The following FIGN variants were observed in gnomAD, a reference collection of about 807,000 sequenced individuals.
The protein encoded by FIGN is fidgetin, microtubule severing factor.
In FIGN, 11 loss-of-function variants were observed where a neutral mutation model predicts 51.3. The observed-to-expected ratio is 0.21, with a 90% CI of 0.13 to 0.35. The LOEUF (loss-of-function observed/expected upper bound fraction) is 0.35. FIGN is among the 10% of genes least tolerant of loss of function. The probability of loss-of-function intolerance (pLI) is 1.00; values close to 1 mark genes in which losing one functional copy is unlikely to be tolerated. For synonymous variants in FIGN, 407 were observed against 363.2 expected (o/e 1.12, Z -1.37); for missense variants, 857 against 943.6 (o/e 0.91, Z 1.20).
At chr2:163,657,707 T>C (rs985337328) in intron 2 of FIGN, among the ~76,000 whole-genome samples, 1 of 152,180 alleles carries the variant, frequency 6.6e-6, no homozygotes, top group African/African-American at 2.4e-5. Context: ...GATTCCTCAT[T>C]ACACATTTTA....
At chr2:163,696,646 T>C (rs1311749859) in intron 2 of FIGN, among the ~76,000 whole-genome samples, 7 of 151,932 alleles carry the variant, frequency 4.6e-5, no homozygotes, top group African/African-American at 1.7e-4. Flanking sequence ...TTTGTTTTAT[T>C]GTTTTTGTGT....
intron 2 of FIGN, among the ~76,000 whole-genome samples, chr2:163,705,140 C>T (rs535779340): frequency 4.1e-4 from 63 of 152,194 alleles, no homozygotes; most frequent in African/African-American, 1.3e-3. Context: ...ATAGTACATA[C>T]GTGTAAAGAA....
intron 2 of FIGN, among the ~76,000 whole-genome samples, chr2:163,631,533 C>T (rs1683145887): frequency 6.6e-6 from 1 of 152,122 alleles, no homozygotes; most frequent in Non-Finnish European, 1.5e-5. Context: ...CACTTCTCTC[C>T]TCTTTATCCC....
At chr2:163,645,023 T>C (rs1403153581) in intron 2 of FIGN, among the ~76,000 whole-genome samples, 1 of 152,300 alleles carries the variant, frequency 6.6e-6, no homozygotes, top group African/African-American at 2.4e-5. Context: ...TGGCTGCATA[T>C]ACCTGTGGCT....
intron 2 of FIGN, among the ~76,000 whole-genome samples, chr2:163,714,053 G>A (rs1016445341): frequency 1.6e-4 from 25 of 152,096 alleles, no homozygotes; most frequent in African/African-American, 5.8e-4. Flanking sequence ...GTCCACAGAC[G>A]GCTGCTCTCC....
intron 2 of FIGN, among the ~76,000 whole-genome samples, chr2:163,647,634 G>T (rs1683402600): frequency 6.6e-6 from 1 of 152,098 alleles, no homozygotes; most frequent in Non-Finnish European, 1.5e-5. Flanking sequence ...CCAGTTCTGT[G>T]TTTTTCTTCC....
intron 2 of FIGN, among the ~76,000 whole-genome samples, chr2:163,710,800 A>G (rs1239524800): frequency 1.3e-5 from 2 of 152,152 alleles, no homozygotes; most frequent in African/African-American, 4.8e-5. Flanking sequence ...TATCTAGTAG[A>G]GTTCCTACCC....
chr2:163,732,356 A>T (rs993993325), intron 2 of FIGN, among the ~76,000 whole-genome samples: 1 of 152,186 alleles, frequency 6.6e-6, no homozygotes, highest in African/African-American at 2.4e-5. Context: ...AATAAAAGCT[A>T]ATTTGTCACA....
At chr2:163,710,953 C>A (rs1573965827) in intron 2 of FIGN, among the ~76,000 whole-genome samples, 1 of 152,180 alleles carries the variant, frequency 6.6e-6, no homozygotes, top group Non-Finnish European at 1.5e-5. Context: ...CATTTAAAAT[C>A]TTTTCAATTA....
intron 2 of FIGN, among the ~76,000 whole-genome samples, chr2:163,706,038 C>T (rs1336398217): frequency 6.6e-6 from 1 of 152,122 alleles, no homozygotes; most frequent in Admixed American, 6.6e-5. Flanking sequence ...CTCAGACAGC[C>T]TGAAGCATCC....
intron 2 of FIGN, among the ~76,000 whole-genome samples, chr2:163,651,547 A>G (rs1683477993): frequency 6.6e-6 from 1 of 152,234 alleles, no homozygotes; most frequent in Non-Finnish European, 1.5e-5. Context: ...AGGAGGAGTT[A>G]CAGAGCTGTG....
chr2:163,666,546 C>A (rs1251344366), intron 2 of FIGN, among the ~76,000 whole-genome samples: 1 of 152,110 alleles, frequency 6.6e-6, no homozygotes, highest in Non-Finnish European at 1.5e-5. Context: ...TTTCAACAAA[C>A]CAAACTCTCT....
chr2:163,713,212 G>C (rs2105357843), intron 2 of FIGN, among the ~76,000 whole-genome samples: 1 of 152,186 alleles, frequency 6.6e-6, no homozygotes, highest in African/African-American at 2.4e-5. Context: ...CTCTCCCACA[G>C]GATCTGAATT....
At position 163,671,848 on chromosome 2, in the gene FIGN, T is replaced by C. The variant is rs938866293; in HGVS notation, c.26-60042A>G. Among the ~76,000 whole-genome samples, 11 of 152,296 alleles carry C rather than the reference T, an allele frequency of 7.2e-5. No homozygotes were observed. In the East Asian group the frequency reaches 2.1e-3, roughly 29 times the overall value. ...ATTAACATGACAAGGATATGAAACA[T>C]GCATGTAATAATTCTGAAGTTTTCA... is the stretch of plus-strand genomic sequence containing the variant. On this transcript the variant is annotated intron_variant, in intron 2 of 2. Transcript: ENST00000333129.
chr2:163,651,546 T>TA (rs1683478034), intron 2 of FIGN, among the ~76,000 whole-genome samples: 1 of 152,214 alleles, frequency 6.6e-6, no homozygotes. Flanking sequence ...GAGGAGGAGT[T>TA]ACAGAGCTGT....
intron 2 of FIGN, among the ~76,000 whole-genome samples, chr2:163,627,751 C>A (rs1213509966): frequency 6.6e-6 from 1 of 152,094 alleles, no homozygotes; most frequent in Non-Finnish European, 1.5e-5. Context: ...CACCCTTCCA[C>A]ATATTTCCAT....
chr2:163,627,771 A>C (rs1418113411), intron 2 of FIGN, among the ~76,000 whole-genome samples: 1 of 152,122 alleles, frequency 6.6e-6, no homozygotes, highest in Non-Finnish European at 1.5e-5. Context: ...TGAAACAAAC[A>C]AACAAGCAAA....
chr2:163,701,411 T>A (rs1413620143), intron 2 of FIGN, among the ~76,000 whole-genome samples: 1 of 152,180 alleles, frequency 6.6e-6, no homozygotes, highest in Non-Finnish European at 1.5e-5. Context: ...CAAAGCATAA[T>A]CTGGACACAG....
At chr2:163,698,919 A>G (rs1236030902) in intron 2 of FIGN, among the ~76,000 whole-genome samples, 3 of 152,160 alleles carry the variant, frequency 2.0e-5, no homozygotes, top group Non-Finnish European at 4.4e-5. Flanking sequence ...TTTAACAGAG[A>G]AGAAACAAAA....
Sources: allele counts gnomAD v4.1 joint callset (sites outside exome capture counted in the v4.1 genomes callset), GRCh38; gene constraint gnomAD v4.1.1; transcripts MANE v1.5; gene names NCBI Gene and HGNC (gene_info 2026-07-23, HGNC 2026-07-21).